Variants in ABHD17C observed in about 807,000 individuals in gnomAD.
ABHD17C encodes the protein abhydrolase domain containing 17C, depalmitoylase.
A neutral mutation model predicts 27.9 loss-of-function variants in ABHD17C; 11 were observed. The observed-to-expected ratio is 0.39, with a 90% CI of 0.25 to 0.65. ABHD17C has a LOEUF of 0.65. Ranked by LOEUF, ABHD17C falls within the 30% of genes least tolerant of loss-of-function variation. ABHD17C has a pLI of 0.45. For missense variants in ABHD17C, 280 were observed against 470.2 expected (o/e 0.60, Z 3.74); for synonymous variants, 233 against 209.1 (o/e 1.11, Z -0.98).
intron 1 of ABHD17C, among the ~76,000 whole-genome samples, chr15:80,739,624 A>G (rs1287168420): frequency 6.6e-6 from 1 of 152,166 alleles, no homozygotes; most frequent in African/African-American, 2.4e-5. Context: ...CCACCATGTG[A>G]CACGCTGCGT....
intron 1 of ABHD17C, among the ~76,000 whole-genome samples, chr15:80,739,783 C>T (rs2141517048): frequency 6.6e-6 from 1 of 152,298 alleles, no homozygotes; most frequent in South Asian, 2.1e-4. Flanking sequence ...TCCTTTATAG[C>T]AACACAAAGT....
intron 1 of ABHD17C, among the ~76,000 whole-genome samples, chr15:80,714,569 C>CG (rs1894777779): frequency 1.3e-5 from 2 of 152,052 alleles, no homozygotes; most frequent in South Asian, 4.2e-4. Context: ...TCCAAGGTGG[C>CG]GGGGGGTGGA....
At chr15:80,711,677 GCCTGTCTATTTT>G (rs1459489574) in intron 1 of ABHD17C, among the ~76,000 whole-genome samples, 1 of 152,198 alleles carries the variant, frequency 6.6e-6, no homozygotes, top group African/African-American at 2.4e-5. Context: ...AATGCCTCCT[GCCTGTCTATTTT>G]CCTGTATTTC....
At position 80,695,376 on chromosome 15, in the gene ABHD17C, G is replaced by GGGCCAGCCAGCC; in HGVS notation, c.-53_-42dup. 4 of 1,136,268 alleles carry GGGCCAGCCAGCC rather than the reference G, an allele frequency of 3.5e-6. No individual in the cohort carries two copies. Among genetic ancestry groups the GGGCCAGCCAGCC allele is most frequent in the Non-Finnish European group, 4.4e-6 (4 of 914,894 alleles). 70.4% of individuals were successfully genotyped at this position (1,136,268 alleles called of 1,614,324 possible). ...CCGCGCGTCCGTCCTCCGTCCTCCC[G>GGGCCAGCCAGCC]GGCCAGCCAGCCAGCCAGCCAGCCG... On this transcript the variant is annotated 5_prime_UTR_variant, in exon 1 of 3. Coordinates refer to ENST00000258884, the MANE Select transcript of ABHD17C (RefSeq NM_021214.2). The surrounding 1 kb of genome is among the most constrained non-coding windows in gnomAD (Gnocchi z 4.3).
chr15:80,713,820 A>G (rs183563296), intron 1 of ABHD17C, among the ~76,000 whole-genome samples: 1 of 151,916 alleles, frequency 6.6e-6, no homozygotes, highest in East Asian at 1.9e-4. Context: ...AAAAAAAGCA[A>G]CAAAAAACAT....
At chr15:80,707,241 T>C (rs1894660062) in intron 1 of ABHD17C, among the ~76,000 whole-genome samples, 1 of 152,182 alleles carries the variant, frequency 6.6e-6, no homozygotes, top group Non-Finnish European at 1.5e-5. Flanking sequence ...TGGATGATTT[T>C]AGAGGGATGG....
chr15:80,716,092 A>G (rs191715949), intron 1 of ABHD17C, among the ~76,000 whole-genome samples: 46 of 152,344 alleles, frequency 3.0e-4, no homozygotes, highest in Admixed American at 2.0e-3. Flanking sequence ...CTTTTTAGAC[A>G]GGGAGTCAAA....
At chr15:80,750,244 A>G (rs554918059) in intron 2 of ABHD17C, among the ~76,000 whole-genome samples, 4 of 152,242 alleles carry the variant, frequency 2.6e-5, no homozygotes, top group Non-Finnish European at 4.4e-5. Flanking sequence ...CCAGGCTTTG[A>G]TCTTCGGTAA....
Position 80,728,494 on chromosome 15 carries a change from C to G in ABHD17C, c.591-21019C>G, listed in dbSNP as rs188488173. Among the ~76,000 whole-genome samples the G allele has an allele frequency of 1.8e-4, 28 of 152,108 alleles. No individual in the cohort carries two copies. The East Asian group carries it at 4.6e-3, about 25-fold the overall frequency. ...CTGAGAAGGACCAAAGGAGGCAGAT[C>G]CAGGCCTCATCCATTCCCCTCACTT... On this transcript the variant is annotated intron_variant, in intron 1 of 2. Coordinates refer to ENST00000258884, the MANE Select transcript of ABHD17C (RefSeq NM_021214.2).
In ABHD17C at chr15:80,742,363, G is replaced by A. The variant is rs78491044; in HGVS notation, c.591-7150G>A. On this transcript the variant is annotated intron_variant, in intron 1 of 2. Coordinates refer to ENST00000258884, the MANE Select transcript of ABHD17C (RefSeq NM_021214.2). The stretch of plus-strand genomic sequence containing the variant: ...GGGGGGTGAAAGTGGGCAGGGGAAG[G>A]ATACAAGTGTATGTCCTGAAGTCTG... Among the ~76,000 whole-genome samples the A allele has an allele frequency of 5.6e-3, 849 of 152,316 alleles. 2 individuals carry two copies. The highest frequency in any genetic ancestry group is 9.5e-3 in the Non-Finnish European group (648 of 68,030).
chr15:80,754,121 C>A, intron 2 of ABHD17C, 30 bp from the exon 3 acceptor site: 2 of 1,563,950 alleles, frequency 1.3e-6, no homozygotes, highest in Non-Finnish European at 1.8e-6. Context: ...ATGGAGTCCT[C>A]TTTCTGCCTC....
chr15:80,752,447 T>A (rs184749282), intron 2 of ABHD17C, among the ~76,000 whole-genome samples: 40 of 152,320 alleles, frequency 2.6e-4, no homozygotes, highest in African/African-American at 8.9e-4. Context: ...ATGTTAGAGC[T>A]CTTTATTATC....
intron 1 of ABHD17C, among the ~76,000 whole-genome samples, chr15:80,736,192 T>A (rs975978140): frequency 4.6e-5 from 7 of 152,260 alleles, no homozygotes; most frequent in Non-Finnish European, 8.8e-5. Flanking sequence ...ACCATTGGAA[T>A]GAACAACCAA....
chr15:80,712,034 A>G (rs572848476), intron 1 of ABHD17C, among the ~76,000 whole-genome samples: 2 of 152,236 alleles, frequency 1.3e-5, no homozygotes, highest in African/African-American at 2.4e-5. Flanking sequence ...TGCACCATTC[A>G]TATCTCTTCC....
chr15:80,713,333 G>T (rs1045546767), intron 1 of ABHD17C, among the ~76,000 whole-genome samples: 1 of 133,510 alleles, frequency 7.5e-6, no homozygotes, highest in Admixed American at 8.2e-5. Context: ...GTTACCGAAG[G>T]AAAGCCACTG....
chr15:80,752,946 G>T (rs529758453), intron 2 of ABHD17C, among the ~76,000 whole-genome samples: 1 of 152,166 alleles, frequency 6.6e-6, no homozygotes, highest in Non-Finnish European at 1.5e-5. Flanking sequence ...TTTTTGCAGA[G>T]AAGTCATTTG....
At chr15:80,736,991 G>A (rs1389466032) in intron 1 of ABHD17C, among the ~76,000 whole-genome samples, 1 of 152,170 alleles carries the variant, frequency 6.6e-6, no homozygotes, top group Non-Finnish European at 1.5e-5. Context: ...TGAGATGGCT[G>A]CCAAACCCTC....
chr15:80,709,268 C>T (rs957931639), intron 1 of ABHD17C, among the ~76,000 whole-genome samples: 16 of 151,956 alleles, frequency 1.1e-4, no homozygotes, highest in African/African-American at 3.9e-4. Flanking sequence ...GCGGACAGAC[C>T]ACTTGAGGTC....
At chr15:80,731,071 C>T (rs565055165) in intron 1 of ABHD17C, among the ~76,000 whole-genome samples, 26 of 152,248 alleles carry the variant, frequency 1.7e-4, no homozygotes, top group African/African-American at 6.0e-4. Context: ...TGTGGTAAGG[C>T]TTGTGAGTCA....
Sources: allele counts gnomAD v4.1 joint callset (sites outside exome capture counted in the v4.1 genomes callset), GRCh38; gene constraint gnomAD v4.1.1; non-coding constraint Gnocchi (gnomAD v3.1); transcripts MANE v1.5; gene names NCBI Gene and HGNC (gene_info 2026-07-23, HGNC 2026-07-21).